BTBD16: variants seen among roughly 807,000 people sequenced by gnomAD.
The protein encoded by BTBD16 is BTB/POZ domain-containing protein 16.
In BTBD16, 66 loss-of-function variants were observed where a neutral mutation model predicts 67.4. That is an observed-to-expected ratio of 0.98 (90% CI 0.80 to 1.20). The LOEUF (loss-of-function observed/expected upper bound fraction) is 1.20. Among genes scored for constraint, BTBD16 ranks in the 50% most tolerant of loss-of-function variants. The pLI is 0.00. For synonymous variants in BTBD16, 242 were observed against 236.4 expected, an observed-to-expected ratio of 1.02 and a Z score of -0.22; for missense variants, 634 against 616.0, an observed-to-expected ratio of 1.03 and a Z score of -0.31.
chr10:122,322,337 C>T (rs9633735), intron 10 of BTBD16, among the ~76,000 whole-genome samples: 64,214 of 151,688 alleles, frequency 0.42, 14,069 homozygotes, highest in East Asian at 0.65. Flanking sequence ...CTGCATCCCA[C>T]GAGTTTTGAT....
intron 3 of BTBD16, among the ~76,000 whole-genome samples, chr10:122,281,495 G>T (rs1330212239): frequency 6.6e-6 from 1 of 152,112 alleles, no homozygotes; most frequent in Non-Finnish European, 1.5e-5. Flanking sequence ...AAACTCCTGG[G>T]CTAAAGCGGT....
intron 10 of BTBD16, among the ~76,000 whole-genome samples, chr10:122,316,908 C>T (rs1052790286): frequency 6.6e-6 from 1 of 152,190 alleles, no homozygotes; most frequent in East Asian, 1.9e-4. Context: ...CTGCCTCAGC[C>T]TCCTGAGTAG....
At chr10:122,315,326 T>C (rs1211527022) in intron 10 of BTBD16, among the ~76,000 whole-genome samples, 1 of 152,232 alleles carries the variant, frequency 6.6e-6, no homozygotes, top group African/African-American at 2.4e-5. Context: ...TATTTTTTAA[T>C]GGTAAACCAA....
At chr10:122,295,372 T>C (rs1270954741) in intron 7 of BTBD16, 1 of 985,176 alleles carries the variant, frequency 1.0e-6, no homozygotes, top group East Asian at 1.1e-4. Context: ...TAAGACCCAA[T>C]GCAGCTGCAA....
intron 9 of BTBD16, among the ~76,000 whole-genome samples, chr10:122,302,957 C>T (rs575680420): frequency 1.3e-5 from 2 of 152,210 alleles, no homozygotes; most frequent in South Asian, 2.1e-4. Flanking sequence ...AGCTCACTGA[C>T]GTGCTCTGCA....
intron 3 of BTBD16, among the ~76,000 whole-genome samples, chr10:122,282,879 A>G (rs1014277862): frequency 1.3e-5 from 2 of 152,210 alleles, no homozygotes; most frequent in African/African-American, 4.8e-5. Flanking sequence ...GCGGCAATGA[A>G]GTTTATTCTG....
rs545004517 is a variant in BTBD16, at chr10:122,331,369, G to T, written c.1086+111G>T. On this transcript the variant is annotated intron_variant, in intron 12 of 15. Coordinates refer to ENST00000260723, the MANE Select transcript of BTBD16 (RefSeq NM_144587.5). Reference sequence around the variant, plus strand: ...GAAACCTCTAAACCTCTGAGGTCAGGACATATCTGGATCATCTTCCAGGGA... The same window carrying T: ...GAAACCTCTAAACCTCTGAGGTCAGTACATATCTGGATCATCTTCCAGGGA... The T allele has an allele frequency of 8.4e-6, 12 of 1,421,220 alleles. No homozygotes were observed. In the Admixed American group the frequency reaches 1.3e-4, roughly 16 times the overall value. The allele number at this position is 1,421,220 out of a possible 1,614,324, so 88.0% of individuals were successfully genotyped here. A position where few individuals can be genotyped will look rare whatever the true frequency, so the allele number is the denominator to read the frequency against.
chr10:122,327,634 T>C (rs775528190), intron 10 of BTBD16: 12 of 985,324 alleles, frequency 1.2e-5, no homozygotes, highest in Non-Finnish European at 1.4e-5. Flanking sequence ...TCCACAAAAG[T>C]GGGCATCATT....
chr10:122,292,050 G>A (rs185017822), intron 7 of BTBD16, among the ~76,000 whole-genome samples: 109 of 152,312 alleles, frequency 7.2e-4, no homozygotes, highest in Middle Eastern at 3.4e-3. Context: ...CCAAGCAGCC[G>A]AGGAAACACA....
intron 3 of BTBD16, among the ~76,000 whole-genome samples, chr10:122,279,826 C>T (rs1235215553): frequency 6.6e-6 from 1 of 152,164 alleles, no homozygotes; most frequent in Admixed American, 6.5e-5. Flanking sequence ...CTTTTCCCAC[C>T]TGGGGGTGCT....
chr10:122,321,676 G>C (rs72826340), intron 10 of BTBD16, among the ~76,000 whole-genome samples: 83 of 152,164 alleles, frequency 5.5e-4, no homozygotes, highest in Middle Eastern at 3.4e-3. Context: ...GTATTTGCTC[G>C]TGTACTTTTT....
intron 10 of BTBD16, among the ~76,000 whole-genome samples, chr10:122,321,208 G>A (rs1482552206): frequency 6.6e-6 from 1 of 152,078 alleles, no homozygotes; most frequent in African/African-American, 2.4e-5. Context: ...TGGCTGTGTG[G>A]GATTCCATGG....
chr10:122,326,605 C>T (rs974998732), intron 10 of BTBD16, among the ~76,000 whole-genome samples: 6 of 152,102 alleles, frequency 3.9e-5, no homozygotes, highest in Non-Finnish European at 5.9e-5. Flanking sequence ...AAAGTTGTGG[C>T]GAAGAGCACC....
chr10:122,336,825 C>T, intron 15 of BTBD16, 143 bp downstream of exon 15: 2 of 702,006 alleles, frequency 2.8e-6, no homozygotes, highest in Non-Finnish European at 4.4e-6. Context: ...AGGATTATCA[C>T]AGCCTCAAAT....
chr10:122,313,121 C>T (rs1390076504), intron 10 of BTBD16, among the ~76,000 whole-genome samples: 1 of 151,994 alleles, frequency 6.6e-6, no homozygotes, highest in Non-Finnish European at 1.5e-5. Context: ...AGGTGATCTG[C>T]CTGAATCAGC....
At position 122,338,149 on chromosome 10, in the gene BTBD16, C is replaced by A; in HGVS notation, c.*64C>A. 7.7e-7 allele frequency: 1 copy of A among 1,306,428 alleles called. No individual in the cohort carries two copies. Among genetic ancestry groups the A allele is most frequent in the Non-Finnish European group, 1.1e-6 (1 of 913,610 alleles). 80.9% of individuals were successfully genotyped at this position (1,306,428 alleles called of 1,614,324 possible). A position where few individuals can be genotyped will look rare whatever the true frequency, so the allele number is the denominator to read the frequency against. On this transcript the variant is annotated 3_prime_UTR_variant, in exon 16 of 16. Coordinates refer to ENST00000260723, the MANE Select transcript of BTBD16 (RefSeq NM_144587.5). ...GTCTGCATAAAAGAAAATAAAATGACATAAAAGGGAGCACTCAAGCATTCC... is the reference window on the plus strand; with the variant it reads ...GTCTGCATAAAAGAAAATAAAATGAAATAAAAGGGAGCACTCAAGCATTCC...
At chr10:122,333,656 G>A (rs1019073587) in intron 13 of BTBD16, among the ~76,000 whole-genome samples, 1 of 152,178 alleles carries the variant, frequency 6.6e-6, no homozygotes, top group African/African-American at 2.4e-5. Flanking sequence ...CCAGGGACCT[G>A]TGAAGGGAGA....
At position 122,297,800 on chromosome 10, in the gene BTBD16, C is replaced by A; in HGVS notation, c.623C>A (p.Pro208Gln). Reference protein sequence around the residue: ...CVDVMIARLKPSTIKKFYEAG... With the variant: ...CVDVMIARLKQSTIKKFYEAG... The stretch of plus-strand genomic sequence containing the variant: ...GATGTGATGATAGCCAGACTCAAGC[C>A]AAGCACCATCAAGAAATTCTACGAG... Residue 208 changes from proline to glutamine, a missense_variant, in exon 8 of 16, where the codon CCA becomes CAA. By Grantham distance (76) the Pro-to-Gln change is moderately conservative. Transcript: ENST00000260723. The A allele has an allele frequency of 6.2e-7, 1 of 1,614,134 alleles. No individual in the cohort carries two copies.
chr10:122,290,376 C>T (rs1240655940), intron 6 of BTBD16, among the ~76,000 whole-genome samples: 1 of 152,210 alleles, frequency 6.6e-6, no homozygotes, highest in Non-Finnish European at 1.5e-5. Context: ...TTACCGGCCT[C>T]TTCCTGCCAA....
Sources: allele counts gnomAD v4.1 joint callset (sites outside exome capture counted in the v4.1 genomes callset), GRCh38; gene constraint gnomAD v4.1.1; transcripts MANE v1.5; gene names NCBI Gene and HGNC (gene_info 2026-07-23, HGNC 2026-07-21).